The following ROR2 variants were observed in gnomAD, a reference collection of about 807,000 sequenced individuals.
ROR2 encodes the protein tyrosine-protein kinase transmembrane receptor ROR2.
Under a neutral mutation model 74.9 loss-of-function variants are expected in ROR2, and 33 were observed. That is an observed-to-expected ratio of 0.44 (90% CI 0.33 to 0.59). The LOEUF is 0.59. Ranked by LOEUF, ROR2 falls within the 20% of genes least tolerant of loss-of-function variation. The pLI is 0.02. For missense variants in ROR2, 1,216 were observed against 1,313.8 expected (o/e 0.93, Z 1.15); for synonymous variants, 586 against 558.7 (o/e 1.05, Z -0.69).
chr9:91,749,638 C>A (rs377676868), intron 4 of ROR2, among the ~76,000 whole-genome samples: 1 of 152,142 alleles, frequency 6.6e-6, no homozygotes, highest in Non-Finnish European at 1.5e-5. Context: ...CGTCCAGGAA[C>A]AGAAGCTATA....
chr9:91,944,780 A>AGT (rs981863133), intron 1 of ROR2, among the ~76,000 whole-genome samples: 1 of 144,560 alleles, frequency 6.9e-6, no homozygotes, highest in African/African-American at 2.5e-5. Context: ...GATGATGGCC[A>AGT]GTGAGGTGGC....
chr9:91,847,513 T>C (rs998050900), intron 1 of ROR2, among the ~76,000 whole-genome samples: 1 of 152,182 alleles, frequency 6.6e-6, no homozygotes. Context: ...ACTTCCCACA[T>C]AAAGAGACTT....
intron 1 of ROR2, among the ~76,000 whole-genome samples, chr9:91,830,837 TG>T (rs1828446668): frequency 6.6e-6 from 1 of 151,742 alleles, no homozygotes; most frequent in South Asian, 2.1e-4. Flanking sequence ...TGTGTGTGTG[TG>T]TGTGTGTGTG....
At chr9:91,778,730 T>A (rs749047691) in intron 1 of ROR2, among the ~76,000 whole-genome samples, 6 of 152,188 alleles carry the variant, frequency 3.9e-5, no homozygotes, top group Non-Finnish European at 5.9e-5. Flanking sequence ...CCATCAAGAA[T>A]GTCATCCGTA....
chr9:91,749,355 T>C (rs909676354), intron 4 of ROR2, among the ~76,000 whole-genome samples: 3 of 152,188 alleles, frequency 2.0e-5, no homozygotes, highest in Non-Finnish European at 4.4e-5. Flanking sequence ...TGGCTCCTGG[T>C]GGGGGTTCTC....
intron 1 of ROR2, among the ~76,000 whole-genome samples, chr9:91,914,607 G>A (rs978825182): frequency 6.6e-6 from 1 of 152,184 alleles, no homozygotes; most frequent in Non-Finnish European, 1.5e-5. Flanking sequence ...TGACTAAACA[G>A]TACGGCGGGG....
At position 91,848,764 on chromosome 9, in the gene ROR2, G is replaced by GAA. The variant is rs36044426; in HGVS notation, c.98-72948_98-72947dup. Among the ~76,000 whole-genome samples the GAA allele has an allele frequency of 3.2e-3, 332 of 103,736 alleles. 1 individual carries two copies. Among genetic ancestry groups the GAA allele is most frequent in the African/African-American group, 0.01 (282 of 26,872 alleles). The allele number at this position is 103,736 out of a possible 152,430, so 68.1% of individuals were successfully genotyped here. On this transcript the variant is annotated intron_variant, in intron 1 of 8. Coordinates refer to ENST00000375708, the MANE Select transcript of ROR2 (RefSeq NM_004560.4). Reference sequence around the variant, plus strand: ...AGTGAGACTCCGTCTCAGGGGGGAAGAAAAAAAAAAAAAAAAAAAAAACAG... The same window carrying GAA: ...AGTGAGACTCCGTCTCAGGGGGGAAGAAAAAAAAAAAAAAAAAAAAAAAACAG...
chr9:91,755,877 T>C (rs1018205995), intron 4 of ROR2, 194 bp downstream of exon 4: 4 of 643,654 alleles, frequency 6.2e-6, no homozygotes, highest in Admixed American at 2.8e-5. Flanking sequence ...TCTGACTTTT[T>C]TTCTGTACAA....
chr9:91,826,817 A>T (rs914513955), intron 1 of ROR2, among the ~76,000 whole-genome samples: 1 of 151,392 alleles, frequency 6.6e-6, no homozygotes, highest in Non-Finnish European at 1.5e-5. Flanking sequence ...AAGAAAAAAG[A>T]ATGTGATCTT....
chr9:91,853,899 G>A (rs368237347), intron 1 of ROR2, among the ~76,000 whole-genome samples: 9 of 152,174 alleles, frequency 5.9e-5, no homozygotes, highest in Non-Finnish European at 8.8e-5. Flanking sequence ...TGCATGAGAC[G>A]CTGAGGAACA....
At chr9:91,898,657 G>A (rs1287857649) in intron 1 of ROR2, among the ~76,000 whole-genome samples, 1 of 152,200 alleles carries the variant, frequency 6.6e-6, no homozygotes, top group African/African-American at 2.4e-5. Flanking sequence ...AGCAAGGAGG[G>A]CATCTGCCCA....
intron 1 of ROR2, among the ~76,000 whole-genome samples, chr9:91,802,958 C>T (rs1827439319): frequency 1.3e-5 from 2 of 152,086 alleles, no homozygotes; most frequent in Admixed American, 6.5e-5. Flanking sequence ...CATCGTTAGC[C>T]GTTAAGGAAA....
intron 1 of ROR2, among the ~76,000 whole-genome samples, chr9:91,810,232 G>A (rs779896816): frequency 2.0e-5 from 3 of 152,310 alleles, no homozygotes; most frequent in South Asian, 2.1e-4. Context: ...GCTTGGCATC[G>A]GTACTGGGCT....
chr9:91,948,564 C>CA (rs965892852), intron 1 of ROR2: 34 of 962,592 alleles, frequency 3.5e-5, no homozygotes, highest in African/African-American at 5.3e-5. Context: ...TAAACTAAAA[C>CA]CCCCCCCCAG....
chr9:91,802,241 CT>C (rs61712520), intron 1 of ROR2, among the ~76,000 whole-genome samples: 14,713 of 151,510 alleles, frequency 0.097, 1,196 homozygotes, highest in East Asian at 0.29. Flanking sequence ...GCCCGGCTAA[CT>C]TTTTTTTGTA....
At chr9:91,891,436 T>C (rs906980985) in intron 1 of ROR2, among the ~76,000 whole-genome samples, 1 of 151,998 alleles carries the variant, frequency 6.6e-6, no homozygotes, top group African/African-American at 2.4e-5. Flanking sequence ...TCCCGGCTAA[T>C]TTTTGTATTT....
chr9:91,842,539 G>A (rs972314112), intron 1 of ROR2, among the ~76,000 whole-genome samples: 1 of 152,236 alleles, frequency 6.6e-6, no homozygotes, highest in Admixed American at 6.5e-5. Context: ...GACGCCACAG[G>A]CATGGGCACT....
rs200420803 is a variant in ROR2, at chr9:91,733,234, C to G, written c.825G>C (p.Pro275=). The G allele has an allele frequency of 2.5e-6, 4 of 1,612,504 alleles. No individual in the cohort carries two copies. In the African/African-American group the frequency reaches 4.0e-5, roughly 16 times the overall value. The change falls in exon 6 of 9, where the codon CCG becomes CCC. Residue 275 remains proline, a synonymous_variant. Coordinates refer to ENST00000375708, the MANE Select transcript of ROR2 (RefSeq NM_004560.4). This position sits in a 1 kb window ranked among gnomAD's most constrained non-coding sequence, Gnocchi z 5.7. ...GCAGCTGAAGCCGCATGAGGATGAGCGGGTTGGAGCGGGCGATGGTGTACT... is the reference window on the plus strand; with the variant it reads ...GCAGCTGAAGCCGCATGAGGATGAGGGGGTTGGAGCGGGCGATGGTGTACT... ...RQEYTIARSN[P]LILMRLQLPK...
chr9:91,764,920 T>C (rs1379168226), intron 2 of ROR2, among the ~76,000 whole-genome samples: 2 of 152,212 alleles, frequency 1.3e-5, no homozygotes, highest in Non-Finnish European at 2.9e-5. Context: ...GCAGTTCTTG[T>C]TCCCTTTGCA....
Sources: allele counts gnomAD v4.1 joint callset (sites outside exome capture counted in the v4.1 genomes callset), GRCh38; gene constraint gnomAD v4.1.1; non-coding constraint Gnocchi (gnomAD v3.1); transcripts MANE v1.5; gene names NCBI Gene and HGNC (gene_info 2026-07-23, HGNC 2026-07-21).